TOP3A: variants seen among roughly 807,000 people sequenced by gnomAD.
TOP3A encodes DNA topoisomerase 3-alpha.
In TOP3A, 64 loss-of-function variants were observed where a neutral mutation model predicts 111.3. The ratio of observed to expected loss-of-function variants is 0.57; its 90% CI spans 0.47 to 0.71. TOP3A has a LOEUF of 0.71. TOP3A is among the 30% of genes least tolerant of loss of function. TOP3A has a pLI of 0.00. For missense variants in TOP3A, 1,104 were observed against 1,285.0 expected (o/e 0.86, Z 2.15); for synonymous variants, 484 against 485.1 (o/e 1.00, Z 0.03).
chr17:18,304,946 A>G (rs549654393), intron 5 of TOP3A, among the ~76,000 whole-genome samples, 166 bp downstream of exon 5: 2 of 152,254 alleles, frequency 1.3e-5, no homozygotes, highest in Admixed American at 6.5e-5. Context: ...GAGGCTCCCA[A>G]TGGCTCAGTG....
chr17:18,285,979 C>A (rs1027339746), intron 13 of TOP3A, among the ~76,000 whole-genome samples: 1 of 152,136 alleles, frequency 6.6e-6, no homozygotes, highest in Non-Finnish European at 1.5e-5. Flanking sequence ...GTGGGCAGAT[C>A]ATCTGAGGTC....
intron 1 of TOP3A, among the ~76,000 whole-genome samples, chr17:18,309,802 C>T (rs1255114584): frequency 6.7e-5 from 10 of 149,290 alleles, no homozygotes; most frequent in Admixed American, 2.0e-4. Flanking sequence ...CTCCACCTCC[C>T]GGGTTCACAC....
chr17:18,293,880 C>A (rs1016453437), intron 10 of TOP3A, among the ~76,000 whole-genome samples: 2 of 152,344 alleles, frequency 1.3e-5, no homozygotes, highest in South Asian at 4.1e-4. Flanking sequence ...CAGGCGTGAG[C>A]CACCACGCCC....
chr17:18,288,131 TTATATA>T (rs142429216), intron 13 of TOP3A, among the ~76,000 whole-genome samples: 1 of 122,706 alleles, frequency 8.1e-6, no homozygotes, highest in African/African-American at 3.4e-5. Flanking sequence ...CTGTTAATAA[TTATATA>T]TATATATATA....
intron 10 of TOP3A, among the ~76,000 whole-genome samples, chr17:18,293,760 C>T (rs1351519755): frequency 6.6e-6 from 1 of 151,984 alleles, no homozygotes; most frequent in Non-Finnish European, 1.5e-5. Context: ...CCACACCTGG[C>T]TAATTTTTGT....
In TOP3A at chr17:18,278,192, C is replaced by T. The variant is rs1208186745; in HGVS notation, c.2310G>A (p.Gln770=). ...GGCTGTTGTCCATCCTGTTCAGGGACTGGTTAGCCTGCAGGCGGCCAGAGG... is the reference window on the plus strand; with the variant it reads ...GGCTGTTGTCCATCCTGTTCAGGGATTGGTTAGCCTGCAGGCGGCCAGAGG... ...SQPSGRLQAN[Q]SLNRMDNSQH... is the part of the protein sequence containing the mutation. Residue 770 remains glutamine (Q), a synonymous_variant, in exon 18 of 19, where the codon CAG becomes CAA. Transcript: ENST00000321105. 6.2e-7 allele frequency: 1 copy of T among 1,608,732 alleles called. No homozygotes were observed. Among genetic ancestry groups the T allele is most frequent in the Admixed American group, 1.7e-5 (1 of 59,918 alleles).
rs968944217 is a variant in TOP3A, at chr17:18,297,173, C to T, written c.990+2386G>A. Among the ~76,000 whole-genome samples, 3 of 152,300 alleles carry T rather than the reference C, an allele frequency of 2.0e-5. No homozygotes were observed. The South Asian group carries it at 6.2e-4, about 32-fold the overall frequency. ...AGGCGCGGTGGCTCACGCCTCTAAT[C>T]CCAGCACTTTGGGAGGCTGAGGTGG... On this transcript the variant is annotated intron_variant, in intron 9 of 18. Coordinates refer to ENST00000321105, the MANE Select transcript of TOP3A (RefSeq NM_004618.5).
intron 16 of TOP3A, 41 bp from the exon 17 acceptor site, chr17:18,280,699 G>A: frequency 6.2e-7 from 1 of 1,606,568 alleles, no homozygotes; most frequent in Non-Finnish European, 8.5e-7. Flanking sequence ...GAGTGCAGGA[G>A]ATGCTCTCCG....
chr17:18,289,642 CTTGGCCTCCCAAAATGCTGGGA>C (rs1174229649), intron 13 of TOP3A, among the ~76,000 whole-genome samples: 1 of 152,234 alleles, frequency 6.6e-6, no homozygotes, highest in Middle Eastern at 3.2e-3. Flanking sequence ...ATTCACCCAT[CTTGGCCTCCCAAAATGCTGGGA>C]TTACAGGTGT....
intron 10 of TOP3A, among the ~76,000 whole-genome samples, chr17:18,293,529 C>T (rs1405430042): frequency 6.6e-6 from 1 of 151,650 alleles, no homozygotes; most frequent in Non-Finnish European, 1.5e-5. Context: ...TCAAGTGATC[C>T]TCCTGCCTAG....
chr17:18,306,788 T>C, intron 4 of TOP3A, 103 bp downstream of exon 4: 1 of 801,852 alleles, frequency 1.2e-6, no homozygotes, highest in Non-Finnish European at 2.1e-6. Flanking sequence ...GTGACTTTGG[T>C]GGAAAACCTT....
At position 18,314,939 on chromosome 17, in the gene TOP3A, C is replaced by T. The variant is rs912069286; in HGVS notation, c.-161G>A. The T allele has an allele frequency of 7.6e-6, 2 of 263,346 alleles. No homozygotes were observed. Among genetic ancestry groups the T allele is most frequent in the Admixed American group, 5.5e-5 (1 of 18,036 alleles). The allele number at this position is 263,346 out of a possible 1,614,324, so 16.3% of individuals were successfully genotyped here. A position where few individuals can be genotyped will look rare whatever the true frequency, so the allele number is the denominator to read the frequency against. On this transcript the variant is annotated 5_prime_UTR_variant, in exon 1 of 19. Transcript: ENST00000321105. The stretch of plus-strand genomic sequence containing the variant: ...TTGGAGCTTCAGTCACTGAGCCTTT[C>T]CCGTGCCGCAGCCGCCGCCTCAGCA...
In TOP3A at chr17:18,305,082, G is replaced by A. The variant is rs778426810; in HGVS notation, c.499+30C>T. ...ACTCTATTTATGGAGTTCCAAAGTA[G>A]AGAAAGTCAGCAGCAGCAGCAGCAC... On this transcript the variant is annotated intron_variant, in intron 5 of 18. Coordinates refer to ENST00000321105, the MANE Select transcript of TOP3A (RefSeq NM_004618.5). 2.5e-6 allele frequency: 4 copies of A among 1,580,510 alleles called. No homozygotes were observed. The Admixed American group carries it at 5.0e-5, about 20-fold the overall frequency.
Position 18,305,111 on chromosome 17 carries a change from C to A in TOP3A, c.499+1G>T, listed in dbSNP as rs781459953. 2 of 1,612,746 alleles carry A rather than the reference C, an allele frequency of 1.2e-6. No homozygotes were observed. Among genetic ancestry groups the A allele is most frequent in the Non-Finnish European group, 1.7e-6 (2 of 1,178,690 alleles). On this transcript the variant is annotated splice_donor_variant, in intron 5 of 18. Transcript: ENST00000321105. LOFTEE classifies it high-confidence loss of function. Reference sequence around the variant, plus strand: ...AAGTCAGCAGCAGCAGCAGCACTTACCAGCCTTACACACGTGGATAATCTC... The same window carrying A: ...AAGTCAGCAGCAGCAGCAGCACTTAACAGCCTTACACACGTGGATAATCTC...
intron 1 of TOP3A, among the ~76,000 whole-genome samples, 189 bp downstream of exon 1, chr17:18,314,410 C>T (rs532198574): frequency 1.3e-5 from 2 of 152,370 alleles, no homozygotes; most frequent in African/African-American, 4.8e-5. Context: ...TGAGATGTAT[C>T]AACTACGTTT....
rs879061192 is a variant in TOP3A at position 18,271,568 on chromosome 17, G to A, written c.*3234C>T. The stretch of plus-strand genomic sequence containing the variant: ...AGGCTGCACACCCAGGGTGGCAGAA[G>A]AGGCCAGGAAGTGGGAGCTGAGCCT... On this transcript the variant is annotated 3_prime_UTR_variant, in exon 19 of 19. Coordinates refer to ENST00000321105, the MANE Select transcript of TOP3A (RefSeq NM_004618.5). 9 of 238,948 alleles carry A rather than the reference G, an allele frequency of 3.8e-5. No homozygotes were observed. The East Asian group carries it at 7.1e-4, about 19-fold the overall frequency. 14.8% of individuals were successfully genotyped at this position (238,948 alleles called of 1,614,324 possible).
intron 9 of TOP3A, among the ~76,000 whole-genome samples, chr17:18,295,076 T>TG (rs1451910547): frequency 6.6e-6 from 1 of 152,230 alleles, no homozygotes; most frequent in Non-Finnish European, 1.5e-5. Context: ...CTTGAACTCC[T>TG]GGCCTCAAGC....
At chr17:18,298,142 C>T (rs1980960133) in intron 9 of TOP3A, among the ~76,000 whole-genome samples, 1 of 151,504 alleles carries the variant, frequency 6.6e-6, no homozygotes, top group African/African-American at 2.4e-5. Context: ...AGACCCTCTG[C>T]CTGGCAACCA....
At chr17:18,293,937 C>T (rs1980636340) in intron 10 of TOP3A, among the ~76,000 whole-genome samples, 1 of 152,242 alleles carries the variant, frequency 6.6e-6, no homozygotes, top group African/African-American at 2.4e-5. Flanking sequence ...ACTGAGATTA[C>T]ATTCTATTTC....
Sources: allele counts gnomAD v4.1 joint callset (sites outside exome capture counted in the v4.1 genomes callset), GRCh38; gene constraint gnomAD v4.1.1; transcripts MANE v1.5; gene names NCBI Gene and HGNC (gene_info 2026-07-23, HGNC 2026-07-21).